PPP1R12A: variants seen among roughly 807,000 people sequenced by gnomAD.
PPP1R12A encodes the protein myosin binding subunit.
Under a neutral mutation model 139.6 loss-of-function variants are expected in PPP1R12A, and 19 were observed. The ratio of observed to expected loss-of-function variants is 0.14; its 90% CI spans 0.09 to 0.20. PPP1R12A has a LOEUF of 0.20. Ranked by LOEUF, PPP1R12A falls within the 10% of genes least tolerant of loss-of-function variation. The pLI is 1.00. For synonymous variants in PPP1R12A, 427 were observed against 420.6 expected (o/e 1.02, Z -0.19); for missense variants, 925 against 1,211.5 (o/e 0.76, Z 3.51).
intron 1 of PPP1R12A, among the ~76,000 whole-genome samples, chr12:79,907,025 A>G (rs1886185109): frequency 6.6e-6 from 1 of 152,146 alleles, no homozygotes; most frequent in African/African-American, 2.4e-5. Flanking sequence ...ATCCATGCAT[A>G]AATTTTTTAA....
intron 23 of PPP1R12A, chr12:79,779,923 G>A (rs183472885): frequency 1.3e-4 from 20 of 154,094 alleles, no homozygotes; most frequent in Non-Finnish European, 2.6e-4. Context: ...AATATAACTG[G>A]CCAGGCACAA....
At chr12:79,910,118 C>G (rs1886446936) in intron 1 of PPP1R12A, among the ~76,000 whole-genome samples, 2 of 152,054 alleles carry the variant, frequency 1.3e-5, no homozygotes, top group Admixed American at 1.3e-4. Flanking sequence ...AGAAAAGAGC[C>G]AATCTGAATT....
At chr12:79,856,553 T>G (rs939720894) in intron 2 of PPP1R12A, among the ~76,000 whole-genome samples, 3 of 152,252 alleles carry the variant, frequency 2.0e-5, no homozygotes, top group Non-Finnish European at 4.4e-5. Context: ...ATGATATCCG[T>G]AATGTGTTAT....
intron 3 of PPP1R12A, among the ~76,000 whole-genome samples, chr12:79,834,907 A>G (rs1265435428): frequency 6.6e-6 from 1 of 152,106 alleles, no homozygotes; most frequent in Admixed American, 6.6e-5. Context: ...CTCTCACCCC[A>G]TCTGTGATTG....
At chr12:79,781,733 A>G in intron 23 of PPP1R12A, 82 bp downstream of exon 23, 2 of 804,194 alleles carry the variant, frequency 2.5e-6, no homozygotes, top group Non-Finnish European at 3.8e-6. Flanking sequence ...ATCCATAATA[A>G]CAAAATAAAA....
At chr12:79,928,440 G>A (rs558284015) in intron 1 of PPP1R12A, among the ~76,000 whole-genome samples, 2 of 152,208 alleles carry the variant, frequency 1.3e-5, no homozygotes, top group East Asian at 3.9e-4. Context: ...GGGTTGGGAG[G>A]GTTTTATTTG....
intron 1 of PPP1R12A, among the ~76,000 whole-genome samples, chr12:79,901,406 T>TAA (rs1260410484): frequency 2.6e-5 from 4 of 152,110 alleles, no homozygotes; most frequent in Non-Finnish European, 5.9e-5. Context: ...AAAGCCACTA[T>TAA]AAAAATGTAC....
At chr12:79,853,239 T>C (rs1387826906) in intron 2 of PPP1R12A, among the ~76,000 whole-genome samples, 1 of 152,216 alleles carries the variant, frequency 6.6e-6, no homozygotes, top group Non-Finnish European at 1.5e-5. Flanking sequence ...TCTACTAGTA[T>C]TTAAAAGACT....
intron 9 of PPP1R12A, among the ~76,000 whole-genome samples, chr12:79,814,273 C>G (rs1479533718): frequency 6.7e-6 from 1 of 149,824 alleles, no homozygotes; most frequent in African/African-American, 2.5e-5. Context: ...GTCAGGAGAT[C>G]GAGACCATCC....
chr12:79,852,046 T>C (rs997773593), intron 2 of PPP1R12A, among the ~76,000 whole-genome samples: 2 of 152,212 alleles, frequency 1.3e-5, no homozygotes, highest in African/African-American at 2.4e-5. Flanking sequence ...TAATTGCTTG[T>C]TGAAGCATTT....
At position 79,934,749 on chromosome 12, in the gene PPP1R12A, G is replaced by C; in HGVS notation, c.183C>G (p.His61Gln). Reference protein sequence around the residue: ...GDTDEVLKLLHRGADINYANV... With the variant: ...GDTDEVLKLLQRGADINYANV... ...TGGCGTAATTGATGTCGGCGCCGCG[G>C]TGCAGCAGCTTGAGGACCTCGTCCG... is the stretch of plus-strand genomic sequence containing the variant. Residue 61 changes from histidine (H) to glutamine (Q), a missense_variant, in exon 1 of 25, where the codon CAC becomes CAG. His to Gln is a conservative substitution (Grantham distance 24). Around this residue, in one of 4 missense-constraint regions of PPP1R12A, gnomAD observed 199 missense variants for 352.4 expected, o/e 0.56. Coordinates refer to ENST00000450142, the MANE Select transcript of PPP1R12A (RefSeq NM_002480.3). The C allele has an allele frequency of 6.4e-7, 1 of 1,551,316 alleles. No individual in the cohort carries two copies. The highest frequency in any genetic ancestry group is 8.7e-7 in the Non-Finnish European group (1 of 1,146,860).
intron 1 of PPP1R12A, among the ~76,000 whole-genome samples, chr12:79,905,347 CCA>C (rs1491184667): frequency 1.1e-3 from 125 of 113,714 alleles, no homozygotes; most frequent in African/African-American, 3.6e-3. Flanking sequence ...CCGCCCCCCC[CCA>C]CCCCTTTTTT....
At chr12:79,901,798 G>T (rs748305143) in intron 1 of PPP1R12A, among the ~76,000 whole-genome samples, 3 of 152,114 alleles carry the variant, frequency 2.0e-5, no homozygotes, top group Non-Finnish European at 2.9e-5. Flanking sequence ...TTACACCCTA[G>T]GAGAAGAGGC....
At chr12:79,905,702 G>T (rs923651777) in intron 1 of PPP1R12A, among the ~76,000 whole-genome samples, 1 of 152,104 alleles carries the variant, frequency 6.6e-6, no homozygotes, top group East Asian at 1.9e-4. Flanking sequence ...CTTAACCCAT[G>T]TATGTATTTT....
intron 20 of PPP1R12A, chr12:79,789,706 T>G (rs1448271746): frequency 2.2e-6 from 1 of 446,608 alleles, no homozygotes; most frequent in Admixed American, 2.5e-5. Flanking sequence ...ATAAGAGAAA[T>G]GGAATGGAGA....
chr12:79,911,051 T>C (rs1423682280), intron 1 of PPP1R12A, among the ~76,000 whole-genome samples: 2 of 152,216 alleles, frequency 1.3e-5, no homozygotes, highest in East Asian at 3.8e-4. Context: ...TGAAATAGGT[T>C]GCTAGCAGCC....
At chr12:79,787,379 A>G (rs1183689411) in intron 21 of PPP1R12A, 1 of 152,116 alleles carries the variant, frequency 6.6e-6, no homozygotes, top group Non-Finnish European at 1.5e-5. Context: ...TGCATCATGT[A>G]TTCTCCCCCC....
Position 79,796,950 on chromosome 12 carries a change from T to C in PPP1R12A, c.2293A>G (p.Thr765Ala). 6.3e-7 allele frequency: 1 copy of C among 1,597,136 alleles called. No individual in the cohort carries two copies. The highest frequency in any genetic ancestry group is 8.5e-7 in the Non-Finnish European group (1 of 1,174,762). The change falls in exon 17 of 25, where the codon ACT becomes GCT. Residue 765 changes from threonine (T) to alanine (A), a missense_variant and splice_region_variant. Thr to Ala is a moderately conservative substitution (Grantham distance 58, BLOSUM62 0). Coordinates refer to ENST00000450142, the MANE Select transcript of PPP1R12A (RefSeq NM_002480.3). Reference sequence around the variant, plus strand: ...GATACTGGCCTATAACGCTGGTAAGTCTGTGAAACATTAAGATCAAAACCC... The same window carrying C: ...GATACTGGCCTATAACGCTGGTAAGCCTGTGAAACATTAAGATCAAAACCC... ...KQKYSRTYDE[T>A]YQRYRPVSTS...
intron 1 of PPP1R12A, among the ~76,000 whole-genome samples, chr12:79,885,820 A>C (rs1411559084): frequency 6.6e-6 from 1 of 152,194 alleles, no homozygotes; most frequent in East Asian, 1.9e-4. Context: ...TGAATACAGA[A>C]GTTCTCTTAG....
Sources: allele counts gnomAD v4.1 joint callset (sites outside exome capture counted in the v4.1 genomes callset), GRCh38; gene constraint gnomAD v4.1.1; regional missense constraint gnomAD v4.1.1; transcripts MANE v1.5; gene names NCBI Gene and HGNC (gene_info 2026-07-23, HGNC 2026-07-21).